Variants in ZSWIM5 observed in about 807,000 individuals in gnomAD.
ZSWIM5 encodes zinc finger SWIM-type containing 5, also known as zinc finger SWIM domain-containing protein 5.
A neutral mutation model predicts 119.6 loss-of-function variants in ZSWIM5; 55 were observed. That is an observed-to-expected ratio of 0.46 (90% CI 0.37 to 0.58). The LOEUF is 0.58. Ranked by LOEUF, ZSWIM5 falls within the 20% of genes least tolerant of loss-of-function variation. The pLI is 0.00. For missense variants in ZSWIM5, 1,193 were observed against 1,512.8 expected, an observed-to-expected ratio of 0.79 and a Z score of 3.51; for synonymous variants, 537 against 606.9, an observed-to-expected ratio of 0.88 and a Z score of 1.69.
At chr1:45,108,889 C>T (rs1645497281) in intron 1 of ZSWIM5, among the ~76,000 whole-genome samples, 2 of 152,088 alleles carry the variant, frequency 1.3e-5, no homozygotes, top group Non-Finnish European at 2.9e-5. Flanking sequence ...GATCTTAATC[C>T]TCATCTTTTA....
At chr1:45,106,709 C>T (rs1645481909) in intron 1 of ZSWIM5, among the ~76,000 whole-genome samples, 1 of 152,202 alleles carries the variant, frequency 6.6e-6, no homozygotes, top group South Asian at 2.1e-4. Flanking sequence ...TATCCAACAG[C>T]TCCAAAGAGA....
intron 5 of ZSWIM5, among the ~76,000 whole-genome samples, chr1:45,043,698 G>A (rs140572133): frequency 3.6e-4 from 55 of 152,218 alleles, no homozygotes; most frequent in African/African-American, 1.3e-3. Flanking sequence ...AATTTCTCCT[G>A]AGATCCAGAA....
At chr1:45,171,060 C>G (rs950620190) in intron 1 of ZSWIM5, among the ~76,000 whole-genome samples, 4 of 152,050 alleles carry the variant, frequency 2.6e-5, no homozygotes, top group Non-Finnish European at 5.9e-5. Context: ...ATTTTCACAT[C>G]TACTTTAGAA....
chr1:45,136,393 G>A (rs1253297769), intron 1 of ZSWIM5, among the ~76,000 whole-genome samples: 1 of 152,088 alleles, frequency 6.6e-6, no homozygotes, highest in Non-Finnish European at 1.5e-5. Flanking sequence ...TTACAAGTGT[G>A]AGCCACCGCA....
chr1:45,206,109 C>G lies in ZSWIM5; in HGVS notation c.242G>C (p.Arg81Pro). Residue 81 changes from arginine (R) to proline (P), a missense_variant, in exon 1 of 14, where the codon CGG (arginine) becomes CCG (proline). By Grantham distance (103) the Arg-to-Pro change is moderately radical. Transcript: ENST00000359600. ...KTVAEKWAYE[R>P]VEERFERIPE... ...GATCCGCTCGAAGCGCTCCTCCACC[C>G]GTTCGTATGCCCACTTTTCCGCCAC... is the stretch of plus-strand genomic sequence containing the variant. The G allele has an allele frequency of 6.2e-7, 1 of 1,611,724 alleles. No individual in the cohort carries two copies. Among genetic ancestry groups the G allele is most frequent in the East Asian group, 2.2e-5 (1 of 44,736 alleles).
chr1:45,198,628 T>C (rs1441077078), intron 1 of ZSWIM5, among the ~76,000 whole-genome samples: 1 of 152,124 alleles, frequency 6.6e-6, no homozygotes, highest in Non-Finnish European at 1.5e-5. Context: ...TCTATAAGAG[T>C]TTTGATGAGA....
intron 1 of ZSWIM5, among the ~76,000 whole-genome samples, chr1:45,201,993 T>C (rs1236783933): frequency 6.6e-6 from 1 of 151,942 alleles, no homozygotes; most frequent in African/African-American, 2.4e-5. Flanking sequence ...AATGTGTGCA[T>C]ATGTGATGTG....
At chr1:45,190,456 G>A (rs568093261) in intron 1 of ZSWIM5, among the ~76,000 whole-genome samples, 70 of 152,306 alleles carry the variant, frequency 4.6e-4, no homozygotes, top group African/African-American at 1.7e-3. Flanking sequence ...TTCAGTGACA[G>A]AAGTTGTGAT....
intron 1 of ZSWIM5, among the ~76,000 whole-genome samples, chr1:45,190,539 TATA>T (rs1557794208): frequency 9.2e-5 from 14 of 152,254 alleles, no homozygotes; most frequent in African/African-American, 3.4e-4. Flanking sequence ...GCGGTTCCCT[TATA>T]GGGTGAATTT....
At chr1:45,096,728 A>C (rs1378389980) in intron 1 of ZSWIM5, among the ~76,000 whole-genome samples, 1 of 152,194 alleles carries the variant, frequency 6.6e-6, no homozygotes, top group East Asian at 1.9e-4. Context: ...GAGATGCTTC[A>C]TGCCGTTCTA....
chr1:45,188,719 C>T (rs924239467), intron 1 of ZSWIM5, among the ~76,000 whole-genome samples: 21 of 152,092 alleles, frequency 1.4e-4, no homozygotes, highest in South Asian at 4.1e-4. Context: ...GCAGCCTAGA[C>T]GTCAAAACAG....
intron 11 of ZSWIM5, among the ~76,000 whole-genome samples, chr1:45,032,030 G>A (rs1054128024): frequency 2.6e-5 from 4 of 151,822 alleles, no homozygotes; most frequent in Non-Finnish European, 5.9e-5. Context: ...TAATATACAC[G>A]TATGTGGTTT....
At chr1:45,096,554 GCACACA>G in intron 1 of ZSWIM5, among the ~76,000 whole-genome samples, 1 of 135,408 alleles carries the variant, frequency 7.4e-6, no homozygotes, top group African/African-American at 2.9e-5. Context: ...ACACACACAC[GCACACA>G]CACACACACA....
chr1:45,181,406 C>A (rs1046792470), intron 1 of ZSWIM5, among the ~76,000 whole-genome samples: 4 of 152,080 alleles, frequency 2.6e-5, no homozygotes, highest in African/African-American at 4.8e-5. Context: ...AAGAAACAAA[C>A]AAAGCCTCCA....
At chr1:45,069,902 G>C (rs975689584) in intron 2 of ZSWIM5, 11 of 504,062 alleles carry the variant, frequency 2.2e-5, no homozygotes, top group African/African-American at 1.9e-4. Flanking sequence ...TTTCATATTA[G>C]AGGACTGGTA....
At chr1:45,113,923 T>A (rs1187355376) in intron 1 of ZSWIM5, among the ~76,000 whole-genome samples, 1 of 152,254 alleles carries the variant, frequency 6.6e-6, no homozygotes, top group Non-Finnish European at 1.5e-5. Context: ...CTTAGTCTAA[T>A]GTTCTACAAC....
intron 8 of ZSWIM5, 124 bp downstream of exon 8, chr1:45,038,811 GT>G (rs34941236): frequency 0.27 from 315,346 of 1,182,774 alleles, 43,759 homozygotes; most frequent in East Asian, 0.36. Context: ...GCCCAGGCTG[GT>G]CTTGAACTCT....
At position 45,057,810 on chromosome 1, in the gene ZSWIM5, A is replaced by T. The variant is rs948593533; in HGVS notation, c.1252+799T>A. On this transcript the variant is annotated intron_variant, in intron 4 of 13. Transcript: ENST00000359600. The surrounding 1 kb of genome is among the most constrained non-coding windows in gnomAD (Gnocchi z 4.7). ...CAGAGGACTGCCTTGATGAGGGAGA[A>T]CCTAGAACAGTGAGGCCATTAGAAG... Among the ~76,000 whole-genome samples, 2 of 152,210 alleles carry T rather than the reference A, an allele frequency of 1.3e-5. No individual in the cohort carries two copies. The highest frequency in any genetic ancestry group is 4.8e-5 in the African/African-American group (2 of 41,460).
intron 1 of ZSWIM5, among the ~76,000 whole-genome samples, chr1:45,186,186 A>G (rs968030291): frequency 8.4e-5 from 12 of 142,688 alleles, no homozygotes; most frequent in African/African-American, 2.8e-4. Context: ...TCACTCATAG[A>G]TGGGAATTGA....
Sources: gnomAD v4.1 joint callset for allele counts (sites outside exome capture counted in the v4.1 genomes callset) on GRCh38, gnomAD v4.1.1 for gene constraint, Gnocchi (gnomAD v3.1) non-coding constraint, MANE v1.5 for transcripts, NCBI Gene and HGNC (gene_info 2026-07-23, HGNC 2026-07-21) for gene names.